Variants in COBLL1 observed in about 807,000 individuals in gnomAD.
COBLL1 encodes the protein cordon-bleu protein-like 1.
Under a neutral mutation model 94.8 loss-of-function variants are expected in COBLL1, and 50 were observed. That is an observed-to-expected ratio of 0.53 (90% CI 0.42 to 0.67). The LOEUF (loss-of-function observed/expected upper bound fraction) is 0.67, where lower values mean the gene tolerates loss of function less well. COBLL1 is among the 30% of genes least tolerant of loss of function. The pLI is 0.00. For synonymous variants in COBLL1, 448 were observed against 473.8 expected (o/e 0.95, Z 0.71); for missense variants, 1,362 against 1,348.7 (o/e 1.01, Z -0.15).
intron 3 of COBLL1, among the ~76,000 whole-genome samples, chr2:164,737,696 C>T (rs552980879): frequency 3.3e-4 from 50 of 152,248 alleles, no homozygotes; most frequent in Middle Eastern, 3.4e-3. Context: ...AGAAATTTTT[C>T]TAGATCCATA....
chr2:164,823,823 AG>A (rs1685301539), intron 2 of COBLL1, among the ~76,000 whole-genome samples: 1 of 152,178 alleles, frequency 6.6e-6, no homozygotes, highest in African/African-American at 2.4e-5. Context: ...TCACTGCTGC[AG>A]GATCTGTAAC....
chr2:164,711,683 A>T (rs1372745816), intron 7 of COBLL1, among the ~76,000 whole-genome samples: 1 of 152,236 alleles, frequency 6.6e-6, no homozygotes, highest in African/African-American at 2.4e-5. Flanking sequence ...GTGAAAAATT[A>T]AAGAACCATT....
intron 2 of COBLL1, among the ~76,000 whole-genome samples, chr2:164,795,558 G>A (rs1219852405): frequency 6.6e-6 from 1 of 151,940 alleles, no homozygotes; most frequent in Non-Finnish European, 1.5e-5. Flanking sequence ...TTTCTCTCCA[G>A]GATCGTAAGC....
intron 2 of COBLL1, among the ~76,000 whole-genome samples, chr2:164,799,340 T>C (rs1412057003): frequency 6.6e-6 from 1 of 152,108 alleles, no homozygotes; most frequent in Non-Finnish European, 1.5e-5. Flanking sequence ...AATACTTCCA[T>C]ATAATAGCAA....
intron 2 of COBLL1, among the ~76,000 whole-genome samples, chr2:164,833,404 A>T (rs1366131037): frequency 2.0e-5 from 3 of 151,998 alleles, no homozygotes; most frequent in Non-Finnish European, 4.4e-5. Flanking sequence ...TAAGTGTTCA[A>T]CTTTCTATGA....
chr2:164,692,253 G>C lies in COBLL1; in HGVS notation c.3268C>G (p.Arg1090Gly), dbSNP rs777373652. The change falls in exon 13 of 14, where the codon CGT becomes GGT. Residue 1090 changes from arginine (R) to glycine (G), a missense_variant. Physicochemically the swap from Arg to Gly is moderately radical, Grantham distance 125 (BLOSUM62 -2). Coordinates refer to ENST00000652658, the MANE Select transcript of COBLL1 (RefSeq NM_001365672.2). ...QMRQSLLTAI[R>G]SGEAAAKLKR... ...AATTTGGCAGCAGCCTCTCCCGAAC[G>C]GATTGCAGTCAGCAAACTCTGTCGC... 2.5e-6 allele frequency: 4 copies of C among 1,612,086 alleles called. No homozygotes were observed. In the East Asian group the frequency reaches 8.9e-5, roughly 36 times the overall value.
chr2:164,755,157 C>G (rs921795956), intron 2 of COBLL1, among the ~76,000 whole-genome samples: 1 of 152,016 alleles, frequency 6.6e-6, no homozygotes, highest in Admixed American at 6.6e-5. Flanking sequence ...AAAGCAAGAC[C>G]CTGTCTGCAA....
At chr2:164,707,338 A>C (rs1484373330) in intron 7 of COBLL1, among the ~76,000 whole-genome samples, 2 of 152,050 alleles carry the variant, frequency 1.3e-5, no homozygotes, top group Non-Finnish European at 2.9e-5. Flanking sequence ...ATGGGGTTTC[A>C]CCATGTTGGC....
chr2:164,780,816 T>G (rs1574575734), intron 2 of COBLL1, among the ~76,000 whole-genome samples: 1 of 152,056 alleles, frequency 6.6e-6, no homozygotes, highest in Non-Finnish European at 1.5e-5. Flanking sequence ...ACAGACAGAG[T>G]GTAAATGCTG....
intron 2 of COBLL1, among the ~76,000 whole-genome samples, chr2:164,780,920 T>C (rs1490459252): frequency 6.6e-6 from 1 of 152,186 alleles, no homozygotes; most frequent in African/African-American, 2.4e-5. Flanking sequence ...CTAAGTCAAC[T>C]TTAGAACAGG....
chr2:164,773,792 T>A, intron 2 of COBLL1: 1 of 1,260,864 alleles, frequency 7.9e-7, no homozygotes, highest in South Asian at 1.4e-5. Context: ...TCCTGCTCTG[T>A]TACTAACTCA....
intron 2 of COBLL1, among the ~76,000 whole-genome samples, chr2:164,787,781 C>T (rs1303243675): frequency 6.6e-6 from 1 of 152,140 alleles, no homozygotes; most frequent in Admixed American, 6.5e-5. Context: ...CTCATAACAT[C>T]CCAACTTGTA....
At chr2:164,734,759 T>C (rs1686211263) in intron 3 of COBLL1, among the ~76,000 whole-genome samples, 1 of 152,154 alleles carries the variant, frequency 6.6e-6, no homozygotes, top group Non-Finnish European at 1.5e-5. Flanking sequence ...GCAGTGTTGC[T>C]GAAAGTAACC....
At chr2:164,805,396 C>T (rs759591763) in intron 2 of COBLL1, among the ~76,000 whole-genome samples, 24 of 128,524 alleles carry the variant, frequency 1.9e-4, no homozygotes, top group Non-Finnish European at 2.9e-4. Context: ...TTAGGGTTCA[C>T]GCTTTTTTAT....
At chr2:164,742,867 G>C (rs1479335630) in intron 3 of COBLL1, among the ~76,000 whole-genome samples, 1 of 152,010 alleles carries the variant, frequency 6.6e-6, no homozygotes, top group African/African-American at 2.4e-5. Context: ...AAGAGAGAGA[G>C]AGAGCGAGCG....
At chr2:164,696,799 C>G (rs938986391) in intron 11 of COBLL1, 1 of 152,226 alleles carries the variant, frequency 6.6e-6, no homozygotes, top group African/African-American at 2.4e-5. Flanking sequence ...TTAAGTCATT[C>G]CTCTGCTCCT....
chr2:164,763,727 T>C (rs367832449), intron 2 of COBLL1, among the ~76,000 whole-genome samples: 2 of 152,172 alleles, frequency 1.3e-5, no homozygotes, highest in South Asian at 2.1e-4. Context: ...TAGTATACTA[T>C]CTTTCGATAA....
At chr2:164,831,182 C>T (rs2105381645) in intron 2 of COBLL1, among the ~76,000 whole-genome samples, 1 of 152,064 alleles carries the variant, frequency 6.6e-6, no homozygotes, top group East Asian at 1.9e-4. Context: ...ATTAGCCAGG[C>T]ATGGTGGCTC....
chr2:164,723,531 G>A (rs1264479877), intron 5 of COBLL1: 1 of 152,062 alleles, frequency 6.6e-6, no homozygotes, highest in East Asian at 1.9e-4. Context: ...AAGTCTACCA[G>A]GTTGTGTTAA....
Sources: gnomAD v4.1 joint callset for allele counts (sites outside exome capture counted in the v4.1 genomes callset) on GRCh38, gnomAD v4.1.1 for gene constraint, MANE v1.5 for transcripts, NCBI Gene and HGNC (gene_info 2026-07-23, HGNC 2026-07-21) for gene names.